The following VPS8 variants were observed in gnomAD, a reference collection of about 807,000 sequenced individuals.
VPS8 encodes VPS8 subunit of CORVET complex.
Under a neutral mutation model 216.4 loss-of-function variants are expected in VPS8, and 129 were observed. The observed-to-expected ratio is 0.60, with a 90% CI of 0.52 to 0.69. VPS8 has a LOEUF of 0.69. VPS8 is among the 30% of genes least tolerant of loss of function. VPS8 has a pLI of 0.00. For missense variants in VPS8, 1,531 were observed against 1,683.5 expected (o/e 0.91, Z 1.59); for synonymous variants, 571 against 565.4 (o/e 1.01, Z -0.14).
intron 25 of VPS8, among the ~76,000 whole-genome samples, chr3:184,910,830 C>A (rs1240386361): frequency 1.3e-5 from 2 of 152,186 alleles, no homozygotes; most frequent in Non-Finnish European, 2.9e-5. Context: ...TCTCCTCCCC[C>A]AAATGAGGCT....
At chr3:184,965,845 T>C (rs1218072136) in intron 38 of VPS8, among the ~76,000 whole-genome samples, 1 of 152,080 alleles carries the variant, frequency 6.6e-6, no homozygotes, top group Admixed American at 6.6e-5. Context: ...TCAGTGGCAA[T>C]GGAGAGAAGA....
chr3:184,824,905 A>ATTTT, intron 2 of VPS8, 120 bp downstream of exon 2: 12 of 681,214 alleles, frequency 1.8e-5, no homozygotes, highest in Admixed American at 6.3e-5. Context: ...TCTGTGTATA[A>ATTTT]TTTTTTTTTT....
At chr3:184,834,529 C>T in intron 4 of VPS8, 120 bp from the exon 5 acceptor site, 2 of 733,878 alleles carry the variant, frequency 2.7e-6, no homozygotes, top group Non-Finnish European at 4.2e-6. Flanking sequence ...ACAGATCTAA[C>T]AAATTACATA....
chr3:184,920,325 C>T (rs556563209), intron 29 of VPS8, 127 bp downstream of exon 29: 30 of 607,364 alleles, frequency 4.9e-5, no homozygotes, highest in Middle Eastern at 5.0e-4. Flanking sequence ...AATTTTATTA[C>T]GGTGTCTTTG....
chr3:184,950,888 G>A (rs545452183), intron 36 of VPS8, among the ~76,000 whole-genome samples: 2 of 152,280 alleles, frequency 1.3e-5, no homozygotes, highest in Admixed American at 1.3e-4. Flanking sequence ...CCCTGCAAAG[G>A]ACATGATCTC....
intron 21 of VPS8, among the ~76,000 whole-genome samples, chr3:184,880,791 A>G (rs1370430528): frequency 6.6e-6 from 1 of 152,170 alleles, no homozygotes; most frequent in African/African-American, 2.4e-5. Flanking sequence ...AGCAGTGTGT[A>G]AGTGATCCAG....
chr3:184,867,943 G>C (rs1727674123), intron 17 of VPS8, 81 bp from the exon 18 acceptor site: 1 of 1,425,536 alleles, frequency 7.0e-7, no homozygotes, highest in Non-Finnish European at 9.8e-7. Context: ...TATCAAATGA[G>C]ATGTGGGACT....
rs1723926872 is a variant in VPS8, at chr3:184,849,894, A to G, written c.667-42A>G. ...AGGCAGGATACTTAAGTCCAAAAAA[A>G]GAGCAATAAATTTGTTTTTGAAGCA... On this transcript the variant is annotated intron_variant, in intron 9 of 47. Coordinates refer to ENST00000625842, the MANE Select transcript of VPS8 (RefSeq NM_001009921.3). The G allele has an allele frequency of 4.7e-6, 7 of 1,500,952 alleles. No homozygotes were observed. The South Asian group carries it at 6.9e-5, about 15-fold the overall frequency. 93.0% of individuals were successfully genotyped at this position (1,500,952 alleles called of 1,614,324 possible).
chr3:184,991,479 A>C (rs905283473), intron 42 of VPS8, among the ~76,000 whole-genome samples: 10 of 152,190 alleles, frequency 6.6e-5, no homozygotes, highest in African/African-American at 2.4e-4. Flanking sequence ...CTTTTAAATT[A>C]TGTATATTAC....
chr3:184,867,529 C>T (rs920078233), intron 17 of VPS8, among the ~76,000 whole-genome samples: 2 of 152,096 alleles, frequency 1.3e-5, no homozygotes. Context: ...GGACTGTAGA[C>T]CTTTAAATAG....
intron 46 of VPS8, among the ~76,000 whole-genome samples, chr3:185,030,305 G>A (rs1477544986): frequency 5.9e-5 from 9 of 152,184 alleles, no homozygotes; most frequent in Non-Finnish European, 5.9e-5. Context: ...TTACATTTAT[G>A]ATAACTAGAG....
At chr3:185,047,246 C>T (rs138029726) in intron 46 of VPS8, among the ~76,000 whole-genome samples, 4 of 152,302 alleles carry the variant, frequency 2.6e-5, no homozygotes, top group African/African-American at 9.6e-5. Flanking sequence ...TAGTTAGTAG[C>T]GCTCAGTGAG....
intron 22 of VPS8, among the ~76,000 whole-genome samples, chr3:184,886,880 G>A (rs1212071567): frequency 1.3e-5 from 2 of 151,882 alleles, no homozygotes; most frequent in South Asian, 2.1e-4. Context: ...TGCCTGGCCT[G>A]GTATATATGC....
At chr3:184,854,199 G>A in intron 13 of VPS8, 26 bp downstream of exon 13, 1 of 1,612,430 alleles carries the variant, frequency 6.2e-7, no homozygotes, top group Non-Finnish European at 8.5e-7. Context: ...CATCTTATTT[G>A]CCAAAGGAAG....
intron 39 of VPS8, 70 bp downstream of exon 39, chr3:184,966,783 T>TTACATAATAAA: frequency 8.5e-7 from 1 of 1,172,648 alleles, no homozygotes; most frequent in South Asian, 1.6e-5. Context: ...GTTTAATAAA[T>TTACATAATAAA]TGCATTTATT....
chr3:185,016,423 A>T (rs995086026), intron 45 of VPS8, among the ~76,000 whole-genome samples: 5 of 152,194 alleles, frequency 3.3e-5, no homozygotes, highest in African/African-American at 9.7e-5. Flanking sequence ...ATTTTTTACG[A>T]GTGGGTTCAA....
intron 22 of VPS8, among the ~76,000 whole-genome samples, chr3:184,886,835 T>G (rs1289025673): frequency 1.3e-5 from 2 of 151,876 alleles, no homozygotes. Context: ...CGCCTCAGCC[T>G]CCTGAAGTGC....
intron 45 of VPS8, among the ~76,000 whole-genome samples, chr3:185,022,223 A>G (rs1163237232): frequency 6.6e-6 from 1 of 152,076 alleles, no homozygotes; most frequent in Non-Finnish European, 1.5e-5. Flanking sequence ...CCCCTTCACC[A>G]TGATTTTAAG....
chr3:184,834,932 G>A (rs912678093), intron 5 of VPS8, 190 bp downstream of exon 5: 4 of 467,994 alleles, frequency 8.5e-6, no homozygotes, highest in Non-Finnish European at 1.5e-5. Flanking sequence ...AGAAATTAGT[G>A]CAGCCATGAA....
Sources: allele counts gnomAD v4.1 joint callset (sites outside exome capture counted in the v4.1 genomes callset), GRCh38; gene constraint gnomAD v4.1.1; transcripts MANE v1.5; gene names NCBI Gene and HGNC (gene_info 2026-07-23, HGNC 2026-07-21).